The following SLCO5A1 variants were observed in gnomAD, a reference collection of about 807,000 sequenced individuals.
The protein encoded by SLCO5A1 is organic anion transporter polypeptide-related protein 4.
A neutral mutation model predicts 65.1 loss-of-function variants in SLCO5A1; 39 were observed. That is an observed-to-expected ratio of 0.60 (90% CI 0.46 to 0.78). The LOEUF is 0.78. Ranked by LOEUF, SLCO5A1 falls within the 30% of genes least tolerant of loss-of-function variation. The pLI, the probability that SLCO5A1 is intolerant of heterozygous loss-of-function variation, is 0.00. For missense variants in SLCO5A1, 1,029 were observed against 1,069.4 expected (o/e 0.96, Z 0.53); for synonymous variants, 438 against 415.7 (o/e 1.05, Z -0.65).
At chr8:69,680,231 A>G (rs1813709890) in intron 7 of SLCO5A1, among the ~76,000 whole-genome samples, 1 of 152,104 alleles carries the variant, frequency 6.6e-6, no homozygotes, top group Non-Finnish European at 1.5e-5. Flanking sequence ...AGATGATCCC[A>G]TCACCCAAAT....
At position 69,773,406 on chromosome 8, in the gene SLCO5A1, C is replaced by T. The variant is rs535310985; in HGVS notation, c.908-11531G>A. ...AATGGGGAGTCCAGGCGCTCATCCT[C>T]GGGTCTCCTGAACACTTGTATCTTT... is the stretch of plus-strand genomic sequence containing the variant. On this transcript the variant is annotated intron_variant, in intron 2 of 9. Coordinates refer to ENST00000260126, the MANE Select transcript of SLCO5A1 (RefSeq NM_030958.3). 2.2e-3 allele frequency among the ~76,000 whole-genome samples: 328 copies of T among 152,278 alleles called. 5 individuals are homozygous for T. The highest frequency in any genetic ancestry group is 0.012 in the South Asian group (58 of 4,820).
At chr8:69,827,040 C>T (rs1418207371) in intron 2 of SLCO5A1, among the ~76,000 whole-genome samples, 3 of 150,972 alleles carry the variant, frequency 2.0e-5, no homozygotes, top group Non-Finnish European at 4.4e-5. Flanking sequence ...AGTAAACTAT[C>T]GCAAGAACAA....
At chr8:69,689,012 T>A (rs1205894561) in intron 6 of SLCO5A1, among the ~76,000 whole-genome samples, 2 of 147,942 alleles carry the variant, frequency 1.4e-5, no homozygotes, top group Admixed American at 6.7e-5. Flanking sequence ...GTTTCCTGAC[T>A]TTTTAATGAT....
chr8:69,722,776 G>GGTGTGTGTGTGTGTGTGTGT (rs56353428), intron 5 of SLCO5A1, among the ~76,000 whole-genome samples: 9 of 148,132 alleles, frequency 6.1e-5, no homozygotes, highest in African/African-American at 2.2e-4. Flanking sequence ...ACACATGCAT[G>GGTGTGTGTGTGTGTGTGTGT]GTGTGTGTGT....
At chr8:69,728,545 T>G (rs1280283260) in intron 5 of SLCO5A1, among the ~76,000 whole-genome samples, 1 of 152,222 alleles carries the variant, frequency 6.6e-6, no homozygotes, top group Non-Finnish European at 1.5e-5. Context: ...GAACAGTATT[T>G]TGCACATCTG....
chr8:69,805,505 C>T (rs1026219977), intron 2 of SLCO5A1, among the ~76,000 whole-genome samples: 2 of 152,136 alleles, frequency 1.3e-5, no homozygotes, highest in Non-Finnish European at 2.9e-5. Flanking sequence ...AATATGTACA[C>T]AAAGCATATT....
At chr8:69,755,218 A>G (rs545028580) in intron 4 of SLCO5A1, among the ~76,000 whole-genome samples, 1 of 152,198 alleles carries the variant, frequency 6.6e-6, no homozygotes, top group African/African-American at 2.4e-5. Context: ...AACATACAAA[A>G]TATAACCTTA....
intron 2 of SLCO5A1, among the ~76,000 whole-genome samples, chr8:69,823,609 C>A (rs1421834825): frequency 2.0e-5 from 3 of 152,120 alleles, no homozygotes; most frequent in Non-Finnish European, 4.4e-5. Context: ...AATACAGGAG[C>A]ACCCAGATTC....
chr8:69,677,655 G>A (rs1813604456), intron 8 of SLCO5A1, among the ~76,000 whole-genome samples: 1 of 152,198 alleles, frequency 6.6e-6, no homozygotes, highest in Admixed American at 6.5e-5. Context: ...TGGAAGAACT[G>A]AGTAAACAAA....
At chr8:69,729,446 C>CCA (rs1816236777) in intron 5 of SLCO5A1, among the ~76,000 whole-genome samples, 1 of 80,486 alleles carries the variant, frequency 1.2e-5, no homozygotes, top group African/African-American at 5.1e-5. Context: ...TCCGTCCCAA[C>CCA]AAAAAAAAAA....
intron 4 of SLCO5A1, among the ~76,000 whole-genome samples, chr8:69,750,929 T>C (rs1338052912): frequency 6.6e-6 from 1 of 152,222 alleles, no homozygotes; most frequent in African/African-American, 2.4e-5. Flanking sequence ...GTGAATTCAA[T>C]GATGCCAACA....
chr8:69,727,950 A>G (rs1452579369), intron 5 of SLCO5A1, among the ~76,000 whole-genome samples: 1 of 152,218 alleles, frequency 6.6e-6, no homozygotes, highest in African/African-American at 2.4e-5. Context: ...GTTTAAAAGG[A>G]ACAAGTATAA....
At chr8:69,713,626 G>A (rs1167443255) in intron 5 of SLCO5A1, 1 of 152,182 alleles carries the variant, frequency 6.6e-6, no homozygotes, top group African/African-American at 2.4e-5. Flanking sequence ...TGAACCCAAA[G>A]TGTGTCTTAC....
At chr8:69,736,665 C>T (rs367977160) in intron 5 of SLCO5A1, among the ~76,000 whole-genome samples, 32 of 152,252 alleles carry the variant, frequency 2.1e-4, no homozygotes, top group African/African-American at 7.7e-4. Flanking sequence ...CGATGCATAT[C>T]GGCATATTAA....
chr8:69,773,249 G>A (rs1253622374), intron 2 of SLCO5A1, among the ~76,000 whole-genome samples: 1 of 152,182 alleles, frequency 6.6e-6, no homozygotes, highest in African/African-American at 2.4e-5. Flanking sequence ...GCCCTAGAGG[G>A]TGACGGCAGT....
intron 5 of SLCO5A1, among the ~76,000 whole-genome samples, chr8:69,728,359 T>G (rs1423982032): frequency 6.6e-6 from 1 of 152,200 alleles, no homozygotes. Flanking sequence ...TGAATGTACT[T>G]TGTTTATAGT....
At chr8:69,758,973 T>C (rs1817641863) in intron 3 of SLCO5A1, among the ~76,000 whole-genome samples, 2 of 152,186 alleles carry the variant, frequency 1.3e-5, no homozygotes. Flanking sequence ...TGGAAAATTA[T>C]TGAACTCCCT....
intron 2 of SLCO5A1, among the ~76,000 whole-genome samples, chr8:69,806,838 A>G (rs1326675474): frequency 6.6e-6 from 1 of 152,250 alleles, no homozygotes; most frequent in African/African-American, 2.4e-5. Context: ...AACACATTCT[A>G]TGCATTTAAC....
In SLCO5A1 at chr8:69,715,100, T is replaced by A. The variant is rs1815450098; in HGVS notation, c.1424-9871A>T. 2.0e-5 allele frequency among the ~76,000 whole-genome samples: 3 copies of A among 152,342 alleles called. No individual in the cohort carries two copies. In the South Asian group the frequency reaches 6.2e-4, roughly 32 times the overall value. ...GATGGCTTACAAACCTAAAAGAATT[T>A]TCTGCATCCACGCGATAAACCCACA... On this transcript the variant is annotated intron_variant, in intron 5 of 9. Coordinates refer to ENST00000260126, the MANE Select transcript of SLCO5A1 (RefSeq NM_030958.3).
Sources: allele counts gnomAD v4.1 joint callset (sites outside exome capture counted in the v4.1 genomes callset), GRCh38; gene constraint gnomAD v4.1.1; transcripts MANE v1.5; gene names NCBI Gene and HGNC (gene_info 2026-07-23, HGNC 2026-07-21).